MTUS2: variants seen among roughly 807,000 people sequenced by gnomAD.
MTUS2 encodes the protein microtubule associated scaffold protein 2.
Under a neutral mutation model 114.1 loss-of-function variants are expected in MTUS2, and 40 were observed. The observed-to-expected ratio is 0.35, with a 90% CI of 0.27 to 0.46. MTUS2 has a LOEUF of 0.46. Ranked by LOEUF, MTUS2 falls within the 20% of genes least tolerant of loss-of-function variation. The probability of loss-of-function intolerance (pLI) is 1.00; values close to 1 mark genes in which losing one functional copy is unlikely to be tolerated. For missense variants in MTUS2, 1,679 were observed against 1,705.4 expected, an observed-to-expected ratio of 0.98 and a Z score of 0.27; for synonymous variants, 688 against 672.0, an observed-to-expected ratio of 1.02 and a Z score of -0.37.
intron 2 of MTUS2, among the ~76,000 whole-genome samples, chr13:28,952,429 C>A (rs989644248): frequency 6.6e-6 from 1 of 152,196 alleles, no homozygotes. Context: ...TACATTCCTG[C>A]AAATTAGTAG....
At chr13:28,821,765 G>A (rs1019116342) in intron 1 of MTUS2, among the ~76,000 whole-genome samples, 53 of 152,204 alleles carry the variant, frequency 3.5e-4, no homozygotes, top group African/African-American at 1.1e-3. Flanking sequence ...GTAGCCTATG[G>A]TGTTGCTACA....
At chr13:29,181,620 G>A (rs116734315) in intron 5 of MTUS2, among the ~76,000 whole-genome samples, 55 of 152,232 alleles carry the variant, frequency 3.6e-4, no homozygotes, top group African/African-American at 1.3e-3. Flanking sequence ...TAATATATAT[G>A]ATTAATGGAT....
intron 4 of MTUS2, among the ~76,000 whole-genome samples, chr13:29,037,373 G>C (rs185771762): frequency 2.0e-5 from 3 of 152,266 alleles, no homozygotes; most frequent in African/African-American, 7.2e-5. Context: ...TTTCTGCTGA[G>C]AGATCCACTG....
intron 9 of MTUS2, among the ~76,000 whole-genome samples, chr13:29,470,909 CTGTTTGAATGG>C (rs1187037943): frequency 3.3e-5 from 5 of 152,260 alleles, no homozygotes; most frequent in Non-Finnish European, 4.4e-5. Flanking sequence ...TCATTCAAGT[CTGTTTGAATGG>C]TGTCTTCTCC....
At chr13:29,351,642 C>CAG (rs1405953635) in intron 7 of MTUS2, among the ~76,000 whole-genome samples, 1 of 151,918 alleles carries the variant, frequency 6.6e-6, no homozygotes, top group African/African-American at 2.4e-5. Context: ...CTCCCTCTGT[C>CAG]ACCCAGGCTG....
chr13:28,997,356 T>C (rs1473166147), intron 2 of MTUS2, among the ~76,000 whole-genome samples: 6 of 152,138 alleles, frequency 3.9e-5, no homozygotes, highest in Admixed American at 2.0e-4. Flanking sequence ...CTGAAAAAAA[T>C]GTATATTCTG....
chr13:28,928,894 C>T (rs940470308), intron 2 of MTUS2, among the ~76,000 whole-genome samples: 1 of 152,146 alleles, frequency 6.6e-6, no homozygotes, highest in African/African-American at 2.4e-5. Context: ...CCTGGAGCCC[C>T]ACAGATATGT....
chr13:29,102,823 A>G (rs556103769), intron 5 of MTUS2, among the ~76,000 whole-genome samples: 1 of 152,314 alleles, frequency 6.6e-6, no homozygotes, highest in African/African-American at 2.4e-5. Flanking sequence ...TAGCGAAGAG[A>G]TGATGCTTTG....
rs185151498 is a variant in MTUS2, at chr13:29,487,990, G to T, written c.3490G>T (p.Asp1164Tyr). 1.2e-4 allele frequency: 187 copies of T among 1,613,624 alleles called. No homozygotes were observed. In the African/African-American group the frequency reaches 2.3e-3, roughly 20 times the overall value. ...CATCACAATCCTGCAGGATGACCAC[G>T]ACCACAAAGTCCAAGGTAGCTCCCA... ...VAITILQDDH[D>Y]HKVQELMSTH... Residue 1164 changes from aspartate to tyrosine, a missense_variant, in exon 11 of 16, where the codon GAC becomes TAC. This residue lies in a region of MTUS2 where 822 missense variants were observed against 899.7 expected (regional missense o/e 0.91). Coordinates refer to ENST00000612955, the MANE Select transcript of MTUS2 (RefSeq NM_001033602.4).
intron 2 of MTUS2, among the ~76,000 whole-genome samples, chr13:28,969,315 G>T (rs977786584): frequency 6.6e-6 from 1 of 152,086 alleles, no homozygotes; most frequent in East Asian, 1.9e-4. Context: ...GGGATATACA[G>T]TAGTGTCTCA....
intron 8 of MTUS2, among the ~76,000 whole-genome samples, chr13:29,422,648 C>CTTTTT (rs11342823): frequency 0.032 from 2,193 of 67,960 alleles, 2 homozygotes; most frequent in African/African-American, 0.041. Flanking sequence ...GATTTCTTTT[C>CTTTTT]TTTTTTTTTT....
At chr13:29,118,627 G>A (rs1035436704) in intron 5 of MTUS2, among the ~76,000 whole-genome samples, 2 of 152,206 alleles carry the variant, frequency 1.3e-5, no homozygotes, top group Non-Finnish European at 2.9e-5. Context: ...CAGTGTGTAG[G>A]TACTGGCTGA....
chr13:29,396,532 A>G (rs1212428126), intron 8 of MTUS2, among the ~76,000 whole-genome samples: 1 of 152,220 alleles, frequency 6.6e-6, no homozygotes, highest in Non-Finnish European at 1.5e-5. Flanking sequence ...AATTAAATTC[A>G]TTAGGATTTA....
chr13:29,184,054 G>A (rs1347042358), intron 5 of MTUS2, among the ~76,000 whole-genome samples: 8 of 152,102 alleles, frequency 5.3e-5, no homozygotes, highest in Admixed American at 3.3e-4. Flanking sequence ...GCCATGTTAC[G>A]TTTTGCACAT....
At chr13:29,074,434 T>G (rs1010467955) in intron 4 of MTUS2, among the ~76,000 whole-genome samples, 1 of 152,116 alleles carries the variant, frequency 6.6e-6, no homozygotes, top group Admixed American at 6.6e-5. Flanking sequence ...TGCACATGTG[T>G]GTCTGATAGC....
intron 7 of MTUS2, among the ~76,000 whole-genome samples, chr13:29,329,333 C>G (rs547856498): frequency 5.3e-5 from 8 of 150,970 alleles, no homozygotes; most frequent in Middle Eastern, 3.4e-3. Context: ...TCCCTGTGCT[C>G]CCTGTGTCCA....
chr13:29,218,469 T>C (rs1895772630), intron 5 of MTUS2, among the ~76,000 whole-genome samples: 1 of 152,244 alleles, frequency 6.6e-6, no homozygotes, highest in Non-Finnish European at 1.5e-5. Flanking sequence ...GAAATGTTCT[T>C]AATGGTTTCT....
chr13:29,032,050 G>A (rs1257310051), intron 3 of MTUS2, among the ~76,000 whole-genome samples: 1 of 152,118 alleles, frequency 6.6e-6, no homozygotes, highest in Non-Finnish European at 1.5e-5. Context: ...AACGTTTGGG[G>A]TTTCCAAACG....
At chr13:29,317,168 C>G (rs776239103) in intron 6 of MTUS2, among the ~76,000 whole-genome samples, 1 of 152,140 alleles carries the variant, frequency 6.6e-6, no homozygotes, top group Non-Finnish European at 1.5e-5. Flanking sequence ...ACAGAAACCT[C>G]CCTATTCTCC....
Sources: gnomAD v4.1 joint callset for allele counts (sites outside exome capture counted in the v4.1 genomes callset) on GRCh38, gnomAD v4.1.1 for gene constraint, gnomAD v4.1.1 regional missense constraint, MANE v1.5 for transcripts, NCBI Gene and HGNC (gene_info 2026-07-23, HGNC 2026-07-21) for gene names.